EPS8L2: variants seen among roughly 807,000 people sequenced by gnomAD.
EPS8L2 encodes epidermal growth factor receptor kinase substrate 8-like protein 2.
A neutral mutation model predicts 99.4 loss-of-function variants in EPS8L2; 81 were observed. The ratio of observed to expected loss-of-function variants is 0.82; its 90% CI spans 0.68 to 0.98. EPS8L2 has a LOEUF of 0.98. Ranked by LOEUF, EPS8L2 falls within the 50% of genes least tolerant of loss-of-function variation. EPS8L2 has a pLI of 0.00. For missense variants in EPS8L2, 1,155 were observed against 968.8 expected (o/e 1.19, Z -2.55); for synonymous variants, 509 against 407.3 (o/e 1.25, Z -3.01).
intron 17 of EPS8L2, 35 bp downstream of exon 17, chr11:725,882 C>G: frequency 7.3e-7 from 1 of 1,365,080 alleles, no homozygotes; most frequent in South Asian, 1.8e-5. Flanking sequence ...TCGCAGCCCC[C>G]AGCTTCCTGG....
Position 727,077 on chromosome 11 carries a change from A to G in EPS8L2, c.*96A>G, listed in dbSNP as rs1862351698. ...TGTGTATGTATTTTGTATCAAGGAC[A>G]CGGAGGGGGTGTGGTGCTGGCTAGA... On this transcript the variant is annotated 3_prime_UTR_variant, in exon 21 of 21. Coordinates refer to ENST00000318562, the MANE Select transcript of EPS8L2 (RefSeq NM_022772.4). The G allele has an allele frequency of 1.1e-6, 1 of 891,918 alleles. No individual in the cohort carries two copies. The allele number at this position is 891,918 out of a possible 1,614,324, so 55.3% of individuals were successfully genotyped here. A position where few individuals can be genotyped will look rare whatever the true frequency, so the allele number is the denominator to read the frequency against.
chr11:709,056 C>T (rs1401448789), intron 1 of EPS8L2: 2 of 286,008 alleles, frequency 7.0e-6, no homozygotes, highest in African/African-American at 2.3e-5. Context: ...TTGGAAGGCG[C>T]CTTCTGCCCC....
intron 4 of EPS8L2, among the ~76,000 whole-genome samples, chr11:714,363 G>C (rs546684612): frequency 6.6e-6 from 1 of 151,444 alleles, no homozygotes; most frequent in African/African-American, 2.4e-5. Context: ...CTGAGTATCT[G>C]GGATTACAGG....
chr11:726,099 C>G lies in EPS8L2; in HGVS notation c.1682C>G (p.Ala561Gly). The G allele has an allele frequency of 6.3e-7, 1 of 1,587,032 alleles. No homozygotes were observed. ...PEDAGAPFEQ[A>G]GQKYWGPASP... ...CCTAATCGCCCCCCGCCCCCGCAGG[C>G]CGGTCAGAAGTACTGGGGCCCCGCC... is the stretch of plus-strand genomic sequence containing the variant. The change falls in exon 18 of 21, where the codon GCC (alanine) becomes GGC (glycine). Residue 561 changes from alanine to glycine, a missense_variant and splice_region_variant. Coordinates refer to ENST00000318562, the MANE Select transcript of EPS8L2 (RefSeq NM_022772.4).
At chr11:710,985 G>A (rs1861873442) in intron 4 of EPS8L2, among the ~76,000 whole-genome samples, 1 of 152,170 alleles carries the variant, frequency 6.6e-6, no homozygotes, top group Non-Finnish European at 1.5e-5. Flanking sequence ...TGTGGCTGCT[G>A]CCCAGCCCTG....
intron 19 of EPS8L2, 50 bp downstream of exon 19, chr11:726,534 G>A (rs1224428396): frequency 3.3e-6 from 5 of 1,509,406 alleles, no homozygotes; most frequent in Non-Finnish European, 4.4e-6. Context: ...GGTGGGAGGT[G>A]CGGCCGAAGG....
At chr11:720,364 C>G in intron 5 of EPS8L2, 141 bp downstream of exon 5, 3 of 1,134,816 alleles carry the variant, frequency 2.6e-6, no homozygotes, top group Non-Finnish European at 3.7e-6. Context: ...GAGGATGGGA[C>G]AAGGGTGGGC....
chr11:721,352 G>C lies in EPS8L2; in HGVS notation c.768G>C (p.Thr256=), dbSNP rs757875423. The C allele has an allele frequency of 6.5e-7, 1 of 1,539,734 alleles. No individual in the cohort carries two copies. Among genetic ancestry groups the C allele is most frequent in the Admixed American group, 2.0e-5 (1 of 50,666 alleles). Residue 256 remains threonine (T), a splice_region_variant and synonymous_variant, in exon 9 of 21, where the codon ACG becomes ACC. Transcript: ENST00000318562. ...TGGCTCAGAAGATAGAGAAGGAGAC[G>C]GTGGGTGCCCGGGCCCGGCAGGTGG... is the stretch of plus-strand genomic sequence containing the variant. ...AVLAQKIEKE[T]QILNCALDDI... is the part of the protein sequence containing the mutation.
chr11:727,527 G>A lies in EPS8L2; in HGVS notation c.*546G>A, dbSNP rs536372361. 3.9e-5 allele frequency: 6 copies of A among 153,460 alleles called. No individual in the cohort carries two copies. In the South Asian group the frequency reaches 7.9e-4, roughly 20 times the overall value. The allele number at this position is 153,460 out of a possible 1,614,324, so 9.5% of individuals were successfully genotyped here. A position where few individuals can be genotyped will look rare whatever the true frequency, so the allele number is the denominator to read the frequency against. On this transcript the variant is annotated 3_prime_UTR_variant, in exon 21 of 21. Coordinates refer to ENST00000318562, the MANE Select transcript of EPS8L2 (RefSeq NM_022772.4). ...AAGGGCCGACAACGCAGGGGACACC[G>A]TGCCGGCTTCAGACACTCCCAGCGC... is the stretch of plus-strand genomic sequence containing the variant.
intron 20 of EPS8L2, 47 bp from the exon 21 acceptor site, chr11:726,854 G>T (rs761804935): frequency 5.0e-6 from 8 of 1,598,096 alleles, no homozygotes; most frequent in Non-Finnish European, 5.1e-6. Context: ...CCGGCACCCA[G>T]ACACGTGGGA....
chr11:716,716 T>C lies in EPS8L2; in HGVS notation c.166-3346T>C, dbSNP rs113679922. ...ACTTCATCTTTGATGCATGGGTTAT[T>C]TAGAAATATGTTGCTTTGTTTCTAA... is the stretch of plus-strand genomic sequence containing the variant. On this transcript the variant is annotated intron_variant, in intron 4 of 20. Transcript: ENST00000318562. Among the ~76,000 whole-genome samples the C allele has an allele frequency of 2.3e-3, 354 of 152,370 alleles. 3 individuals are homozygous for C. Among genetic ancestry groups the C allele is most frequent in the African/African-American group, 8.2e-3 (341 of 41,582 alleles).
At chr11:726,778 C>CGCCCCTCCT (rs1862342542) in intron 20 of EPS8L2, 27 bp downstream of exon 20, 1 of 1,581,124 alleles carries the variant, frequency 6.3e-7, no homozygotes, top group Admixed American at 1.8e-5. Flanking sequence ...TCCGGCGCCA[C>CGCCCCTCCT]GCCCCTCCTG....
Position 723,232 on chromosome 11 carries a change from TCC to T in EPS8L2, c.1342-6_1342-5del, listed in dbSNP as rs1279814556. Reference sequence around the variant, plus strand: ...CATGTCTAACTCAGGTCGCCCACCTTCCCCACAGGTGAGTCCAGTGAGCCGAC... The same window carrying T: ...CATGTCTAACTCAGGTCGCCCACCTTCCACAGGTGAGTCCAGTGAGCCGAC... On this transcript the variant is annotated splice_polypyrimidine_tract_variant and splice_region_variant and intron_variant, in intron 14 of 20. Coordinates refer to ENST00000318562, the MANE Select transcript of EPS8L2 (RefSeq NM_022772.4). 2 of 1,573,274 alleles carry T rather than the reference TCC, an allele frequency of 1.3e-6. No homozygotes were observed. Among genetic ancestry groups the T allele is most frequent in the Non-Finnish European group, 1.7e-6 (2 of 1,156,572 alleles).
chr11:726,701 G>C lies in EPS8L2; in HGVS notation c.2017G>C (p.Glu673Gln). Residue 673 changes from glutamate (E) to glutamine (Q), a missense_variant, in exon 20 of 21, where the codon GAG (glutamate) becomes CAG (glutamine). By Grantham distance (29) the Glu-to-Gln change is conservative. Transcript: ENST00000318562. ...KEELKKVCGEEGVRVYSQLTM... is the reference protein window; with the variant it reads ...KEELKKVCGEQGVRVYSQLTM... The stretch of plus-strand genomic sequence containing the variant: ...GGAGCTGAAGAAAGTGTGCGGCGAG[G>C]AGGGCGTCCGCGTGTACAGCCAGCT... 1.3e-6 allele frequency: 2 copies of C among 1,589,736 alleles called. No individual in the cohort carries two copies. The highest frequency in any genetic ancestry group is 1.7e-6 in the Non-Finnish European group (2 of 1,169,728).
chr11:721,167 A>C lies in EPS8L2; in HGVS notation c.661A>C (p.Lys221Gln). 6.5e-7 allele frequency: 1 copy of C among 1,535,354 alleles called. No individual in the cohort carries two copies. The highest frequency in any genetic ancestry group is 8.7e-7 in the Non-Finnish European group (1 of 1,143,132). The change falls in exon 8 of 21, where the codon AAG (lysine) becomes CAG (glutamine). Residue 221 changes from lysine to glutamine, a missense_variant. Lys to Gln is a moderately conservative substitution (Grantham distance 53). Coordinates refer to ENST00000318562, the MANE Select transcript of EPS8L2 (RefSeq NM_022772.4). ...CCGCGGCGGGGATTCCCCGGAGGCC[A>C]AGAATCGCGTGGGCCCGCAGGTGCC... Reference protein sequence around the residue: ...QHRGGDSPEAKNRVGPQVPLS... With the variant: ...QHRGGDSPEAQNRVGPQVPLS...
Position 720,237 on chromosome 11 carries a change from C to G in EPS8L2, c.327+14C>G, listed in dbSNP as rs1211659084. On this transcript the variant is annotated intron_variant, in intron 5 of 20. Coordinates refer to ENST00000318562, the MANE Select transcript of EPS8L2 (RefSeq NM_022772.4). ...ATCGAGTCACAGGTGGGGCCCAGCG[C>G]CACGGGGGACAGGGAGCACAGTGGG... 8 of 1,612,178 alleles carry G rather than the reference C, an allele frequency of 5.0e-6. No homozygotes were observed. The highest frequency in any genetic ancestry group is 1.3e-5 in the African/African-American group (1 of 74,920).
At position 721,299 on chromosome 11, in the gene EPS8L2, G is replaced by C. The variant is rs972700955; in HGVS notation, c.715G>C (p.Glu239Gln). The C allele has an allele frequency of 3.4e-5, 53 of 1,540,280 alleles. No homozygotes were observed. The highest frequency in any genetic ancestry group is 4.4e-5 in the Non-Finnish European group (50 of 1,146,636). The change falls in exon 9 of 21, where the codon GAG (glutamate) becomes CAG (glutamine). Residue 239 changes from glutamate to glutamine, a missense_variant. Glu to Gln is a conservative substitution (Grantham distance 29). Transcript: ENST00000318562. Reference protein sequence around the residue: ...PLSEPGFRRRESQEEPRAVLA... With the variant: ...PLSEPGFRRRQSQEEPRAVLA... ...TCCCCCATCAGGTTTCCGCCGTCGGGAGTCGCAGGAGGAGCCGCGGGCCGT... is the reference window on the plus strand; with the variant it reads ...TCCCCCATCAGGTTTCCGCCGTCGGCAGTCGCAGGAGGAGCCGCGGGCCGT...
intron 5 of EPS8L2, 162 bp from the exon 6 acceptor site, chr11:720,435 A>G: frequency 8.1e-7 from 1 of 1,233,038 alleles, no homozygotes; most frequent in Non-Finnish European, 1.1e-6. Flanking sequence ...GCCTTGCGGT[A>G]CAGCTGCGGG....
chr11:722,329 C>A, intron 12 of EPS8L2, 72 bp from the exon 13 acceptor site: 1 of 1,577,096 alleles, frequency 6.3e-7, no homozygotes, highest in Non-Finnish European at 8.6e-7. Flanking sequence ...CGAGGGCCAG[C>A]CTGTGGAGCT....
Sources: allele counts gnomAD v4.1 joint callset (sites outside exome capture counted in the v4.1 genomes callset), GRCh38; gene constraint gnomAD v4.1.1; transcripts MANE v1.5; gene names NCBI Gene and HGNC (gene_info 2026-07-23, HGNC 2026-07-21).